The following PREX2 variants were observed in gnomAD, a reference collection of about 807,000 sequenced individuals.
The protein encoded by PREX2 is phosphatidylinositol-3,4,5-trisphosphate dependent Rac exchange factor 2, also known as phosphatidylinositol 3,4,5-trisphosphate-dependent Rac exchanger 2 protein.
Under a neutral mutation model 203.2 loss-of-function variants are expected in PREX2, and 107 were observed. The ratio of observed to expected loss-of-function variants is 0.53; its 90% confidence interval spans 0.45 to 0.62. The LOEUF (loss-of-function observed/expected upper bound fraction) is 0.62. PREX2 is among the 20% of genes least tolerant of loss of function. PREX2 has a pLI of 0.00. For synonymous variants in PREX2, 672 were observed against 663.6 expected (o/e 1.01, Z -0.19); for missense variants, 1,777 against 1,955.9 (o/e 0.91, Z 1.72).
At chr8:67,987,415 C>T (rs1384697740) in intron 1 of PREX2, among the ~76,000 whole-genome samples, 1 of 152,106 alleles carries the variant, frequency 6.6e-6, no homozygotes, top group Non-Finnish European at 1.5e-5. Flanking sequence ...CTTCAATCGG[C>T]TGGATTTCTG....
intron 1 of PREX2, among the ~76,000 whole-genome samples, chr8:68,000,945 T>A (rs1257061181): frequency 1.3e-5 from 2 of 152,060 alleles, no homozygotes; most frequent in African/African-American, 4.8e-5. Flanking sequence ...ATACAAAAAT[T>A]AACTCAAGAT....
chr8:68,122,248 G>C (rs1012045158), intron 30 of PREX2, among the ~76,000 whole-genome samples: 5 of 152,034 alleles, frequency 3.3e-5, no homozygotes, highest in Admixed American at 2.6e-4. Flanking sequence ...TAGTAGAAAG[G>C]AAATTTGTAC....
intron 20 of PREX2, among the ~76,000 whole-genome samples, chr8:68,093,390 CAAAA>C (rs56001927): frequency 2.5e-5 from 2 of 81,490 alleles, no homozygotes; most frequent in African/African-American, 9.0e-5. Flanking sequence ...AACTCCATCT[CAAAA>C]AAAAAAAAAA....
chr8:67,990,039 G>A (rs768903398), intron 1 of PREX2, among the ~76,000 whole-genome samples: 2 of 151,986 alleles, frequency 1.3e-5, no homozygotes, highest in Non-Finnish European at 2.9e-5. Context: ...AGGCTGGAGT[G>A]CAGTGGCACC....
intron 1 of PREX2, among the ~76,000 whole-genome samples, chr8:67,997,044 A>C (rs73683277): frequency 0.03 from 4,558 of 152,236 alleles, 221 homozygotes; most frequent in African/African-American, 0.1. Flanking sequence ...TATTTACTTC[A>C]TCATTTTTAA....
intron 9 of PREX2, among the ~76,000 whole-genome samples, chr8:68,055,594 T>A (rs559182536): frequency 9.2e-4 from 140 of 152,234 alleles, no homozygotes; most frequent in African/African-American, 3.2e-3. Flanking sequence ...TGGCTAAAGC[T>A]TTATGCCTTT....
At chr8:68,197,548 T>C (rs1298699219) in intron 37 of PREX2, among the ~76,000 whole-genome samples, 1 of 151,954 alleles carries the variant, frequency 6.6e-6, no homozygotes, top group Non-Finnish European at 1.5e-5. Context: ...CTCATAGCAG[T>C]GTGAGAAGGG....
intron 7 of PREX2, among the ~76,000 whole-genome samples, chr8:68,041,272 T>C (rs1367298033): frequency 1.3e-5 from 2 of 152,152 alleles, no homozygotes; most frequent in East Asian, 1.9e-4. Flanking sequence ...AACCGATTGA[T>C]TTATAAGACA....
intron 34 of PREX2, among the ~76,000 whole-genome samples, chr8:68,148,871 C>G (rs12056532): frequency 9.2e-5 from 14 of 151,980 alleles, no homozygotes; most frequent in African/African-American, 3.4e-4. Context: ...CTTTATAAAA[C>G]TCCCATGAGG....
intron 35 of PREX2, among the ~76,000 whole-genome samples, chr8:68,191,077 A>T (rs769933989): frequency 5.9e-5 from 9 of 152,108 alleles, no homozygotes; most frequent in Non-Finnish European, 1.2e-4. Flanking sequence ...TTTTTTGCAC[A>T]AAGTGTATTA....
At chr8:67,994,128 T>A (rs1488101556) in intron 1 of PREX2, among the ~76,000 whole-genome samples, 1 of 152,218 alleles carries the variant, frequency 6.6e-6, no homozygotes, top group Admixed American at 6.5e-5. Context: ...TGTTATCTGG[T>A]CCTAGGAGAT....
chr8:68,098,938 G>GTATATATATATA lies in PREX2; in HGVS notation c.2554-716_2554-705dup, dbSNP rs71253061. Among the ~76,000 whole-genome samples, 199 of 109,758 alleles carry GTATATATATATA rather than the reference G, an allele frequency of 1.8e-3. 4 individuals are homozygous for GTATATATATATA. The highest frequency in any genetic ancestry group is 2.4e-3 in the Non-Finnish European group (137 of 56,092). The allele number at this position is 109,758 out of a possible 152,430, so 72.0% of individuals were successfully genotyped here. A position where few individuals can be genotyped will look rare whatever the true frequency, so the allele number is the denominator to read the frequency against. On this transcript the variant is annotated intron_variant, in intron 22 of 39. Coordinates refer to ENST00000288368, the MANE Select transcript of PREX2 (RefSeq NM_024870.4). ...AATCAGAAATGCTACATATATATGTGTATATATATATATATATATATATAT... is the reference window on the plus strand; with the variant it reads ...AATCAGAAATGCTACATATATATGTGTATATATATATATATATATATATATATATATATATAT...
chr8:67,984,046 G>A (rs1806344236), intron 1 of PREX2, among the ~76,000 whole-genome samples: 1 of 152,062 alleles, frequency 6.6e-6, no homozygotes, highest in Admixed American at 6.6e-5. Flanking sequence ...TTCTCCCTAT[G>A]TTGAGTGTTC....
Position 67,952,139 on chromosome 8 carries a change from G to A in PREX2, c.-256G>A. On this transcript the variant is annotated 5_prime_UTR_variant, in exon 1 of 40. Coordinates refer to ENST00000288368, the MANE Select transcript of PREX2 (RefSeq NM_024870.4). ...TGAGGCCAGAGCAGCGGGGCCGGGCGCGCAGGGCCTGGCCGGAGCCCCCAC... is the reference window on the plus strand; with the variant it reads ...TGAGGCCAGAGCAGCGGGGCCGGGCACGCAGGGCCTGGCCGGAGCCCCCAC... The A allele has an allele frequency of 3.0e-6, 1 of 329,156 alleles. No individual in the cohort carries two copies. 20.4% of individuals were successfully genotyped at this position (329,156 alleles called of 1,614,324 possible).
At chr8:67,990,762 C>G (rs1432262866) in intron 1 of PREX2, among the ~76,000 whole-genome samples, 1 of 152,144 alleles carries the variant, frequency 6.6e-6, no homozygotes, top group Admixed American at 6.5e-5. Flanking sequence ...ATCTGCCCAC[C>G]TCAGTCTCCT....
intron 35 of PREX2, among the ~76,000 whole-genome samples, chr8:68,164,041 T>C (rs989500625): frequency 2.6e-5 from 4 of 152,068 alleles, no homozygotes; most frequent in Non-Finnish European, 5.9e-5. Context: ...CAGACGAATC[T>C]GTCCATGACT....
At chr8:68,034,257 C>T (rs1315493987) in intron 6 of PREX2, among the ~76,000 whole-genome samples, 1 of 152,072 alleles carries the variant, frequency 6.6e-6, no homozygotes, top group Non-Finnish European at 1.5e-5. Context: ...ACAAGATAGT[C>T]TACTGAAGGT....
At chr8:68,035,466 G>A (rs1398732222) in intron 6 of PREX2, among the ~76,000 whole-genome samples, 1 of 152,010 alleles carries the variant, frequency 6.6e-6, no homozygotes, top group African/African-American at 2.4e-5. Context: ...ATTTCTCTCT[G>A]CAGTCAGTTC....
chr8:68,041,491 A>G (rs1808197033), intron 7 of PREX2, among the ~76,000 whole-genome samples: 1 of 152,306 alleles, frequency 6.6e-6, no homozygotes, highest in East Asian at 1.9e-4. Flanking sequence ...GGAATACAAC[A>G]TGTATCTTCA....
Sources: allele counts gnomAD v4.1 joint callset (sites outside exome capture counted in the v4.1 genomes callset), GRCh38; gene constraint gnomAD v4.1.1; transcripts MANE v1.5; gene names NCBI Gene and HGNC (gene_info 2026-07-23, HGNC 2026-07-21).